Variants in ALK observed in about 807,000 individuals in gnomAD.
ALK encodes the protein ALK receptor tyrosine kinase, also known as ALK tyrosine kinase receptor.
A neutral mutation model predicts 163.1 loss-of-function variants in ALK; 74 were observed. The observed-to-expected ratio is 0.45, with a 90% confidence interval of 0.38 to 0.55. ALK has a LOEUF of 0.55. Among genes scored for constraint, ALK ranks in the 20% least tolerant of loss-of-function variants. The pLI is 0.00. For missense variants in ALK, 2,063 were observed against 2,105.3 expected (o/e 0.98, Z 0.39); for synonymous variants, 960 against 843.2 (o/e 1.14, Z -2.40).
chr2:29,751,835 C>T (rs1275115497), intron 1 of ALK, among the ~76,000 whole-genome samples: 1 of 152,142 alleles, frequency 6.6e-6, no homozygotes, highest in African/African-American at 2.4e-5. Context: ...TCTTGTTCAA[C>T]CAATAAGTAC....
intron 3 of ALK, among the ~76,000 whole-genome samples, chr2:29,641,952 T>C (rs1361220175): frequency 6.6e-6 from 1 of 152,192 alleles, no homozygotes; most frequent in Non-Finnish European, 1.5e-5. Flanking sequence ...AAGAATGAGC[T>C]AGGAAACTTA....
chr2:29,815,549 C>G (rs2148374656), intron 1 of ALK, among the ~76,000 whole-genome samples: 1 of 152,282 alleles, frequency 6.6e-6, no homozygotes, highest in South Asian at 2.1e-4. Flanking sequence ...GTTTGGAACT[C>G]TCCTGCTGTT....
chr2:29,684,129 T>C (rs1052403298), intron 3 of ALK, among the ~76,000 whole-genome samples: 1 of 152,198 alleles, frequency 6.6e-6, no homozygotes, highest in Non-Finnish European at 1.5e-5. Context: ...CAAGCATAAA[T>C]TCAGAGTGGT....
intron 3 of ALK, among the ~76,000 whole-genome samples, chr2:29,666,008 T>C (rs1677502237): frequency 6.6e-6 from 1 of 152,120 alleles, no homozygotes; most frequent in Admixed American, 6.6e-5. Flanking sequence ...CCTTCTGCTG[T>C]CCTGCCACCA....
intron 1 of ALK, among the ~76,000 whole-genome samples, chr2:29,840,128 T>C (rs1489372869): frequency 6.6e-6 from 1 of 152,218 alleles, no homozygotes; most frequent in Non-Finnish European, 1.5e-5. Context: ...ATATGTCTCA[T>C]ATATCCTAAA....
chr2:29,228,750 G>A, intron 16 of ALK, 134 bp downstream of exon 16: 3 of 684,818 alleles, frequency 4.4e-6, no homozygotes, highest in Non-Finnish European at 2.7e-6. Context: ...GGCAGGTCGA[G>A]AGGGAGGCGT....
intron 23 of ALK, among the ~76,000 whole-genome samples, chr2:29,217,529 C>T (rs148494369): frequency 1.7e-3 from 255 of 151,978 alleles, no homozygotes; most frequent in Admixed American, 2.2e-3. Context: ...ACAACAGGCA[C>T]GGCTGACCTG....
intron 3 of ALK, among the ~76,000 whole-genome samples, chr2:29,691,986 A>G (rs2256776): frequency 0.69 from 104,951 of 152,022 alleles, 38,170 homozygotes; most frequent in Non-Finnish European, 0.81. Context: ...ACGACCAAAA[A>G]AAATGTTTCT....
At chr2:29,266,803 A>T (rs1221796453) in intron 11 of ALK, among the ~76,000 whole-genome samples, 1 of 152,150 alleles carries the variant, frequency 6.6e-6, no homozygotes, top group African/African-American at 2.4e-5. Context: ...TTGAATACAT[A>T]GTCTTGAGAT....
intron 26 of ALK, among the ~76,000 whole-genome samples, chr2:29,204,013 C>T (rs187439750): frequency 2.0e-5 from 3 of 152,118 alleles, no homozygotes; most frequent in East Asian, 1.9e-4. Context: ...TATTTTCCAT[C>T]TCTTTTTAGG....
chr2:29,224,890 C>A (rs1488452321), intron 19 of ALK, among the ~76,000 whole-genome samples: 2 of 152,214 alleles, frequency 1.3e-5, no homozygotes, highest in African/African-American at 2.4e-5. Flanking sequence ...CCTTTTCAAG[C>A]CTCTGCCCAT....
At chr2:29,375,956 C>T (rs529663540) in intron 5 of ALK, among the ~76,000 whole-genome samples, 1 of 152,272 alleles carries the variant, frequency 6.6e-6, no homozygotes, top group East Asian at 1.9e-4. Context: ...GCCTAATGGC[C>T]AAGGTCAGCA....
intron 3 of ALK, among the ~76,000 whole-genome samples, chr2:29,674,337 G>A (rs1373563435): frequency 6.6e-6 from 1 of 151,734 alleles, no homozygotes; most frequent in African/African-American, 2.4e-5. Context: ...TTATTATTTT[G>A]AAATACGTCC....
chr2:29,753,277 G>A (rs543955444), intron 1 of ALK, among the ~76,000 whole-genome samples: 1 of 152,330 alleles, frequency 6.6e-6, no homozygotes, highest in South Asian at 2.1e-4. Context: ...TAACAAGTGC[G>A]ATTTGATCTG....
At chr2:29,728,306 G>A (rs935601159) in intron 1 of ALK, among the ~76,000 whole-genome samples, 10 of 152,190 alleles carry the variant, frequency 6.6e-5, no homozygotes, top group African/African-American at 2.2e-4. Context: ...ACTTGTCCAA[G>A]GTTCTGGAGC....
intron 4 of ALK, among the ~76,000 whole-genome samples, chr2:29,432,588 A>G (rs1670297987): frequency 6.6e-6 from 1 of 152,142 alleles, no homozygotes; most frequent in Non-Finnish European, 1.5e-5. Flanking sequence ...TAATGATTAA[A>G]CTTGGTCAGT....
At chr2:29,375,486 T>C (rs1172925373) in intron 5 of ALK, among the ~76,000 whole-genome samples, 1 of 152,106 alleles carries the variant, frequency 6.6e-6, no homozygotes, top group African/African-American at 2.4e-5. Context: ...GCTTAGCTAA[T>C]TCTTTGTATT....
intron 1 of ALK, among the ~76,000 whole-genome samples, chr2:29,912,200 T>C (rs1667722538): frequency 6.6e-6 from 1 of 152,046 alleles, no homozygotes; most frequent in Non-Finnish European, 1.5e-5. Flanking sequence ...AAAATAATAA[T>C]TGAAAAATCC....
At chr2:29,594,426 C>CTTTT (rs754184164) in intron 3 of ALK, among the ~76,000 whole-genome samples, 1 of 128,954 alleles carries the variant, frequency 7.8e-6, no homozygotes, top group Non-Finnish European at 1.6e-5. Flanking sequence ...GGTCTCCTCA[C>CTTTT]TTTTTTTTTT....
Sources: allele counts gnomAD v4.1 joint callset (sites outside exome capture counted in the v4.1 genomes callset), GRCh38; gene constraint gnomAD v4.1.1; transcripts MANE v1.5; gene names NCBI Gene and HGNC (gene_info 2026-07-23, HGNC 2026-07-21).